Variants in COL1A2 observed in about 807,000 individuals in gnomAD.
COL1A2 encodes collagen type I alpha 2 chain.
In COL1A2, 49 loss-of-function variants were observed where a neutral mutation model predicts 174.3. The ratio of observed to expected loss-of-function variants is 0.28; its 90% CI spans 0.22 to 0.36. COL1A2 has a LOEUF of 0.36. COL1A2 is among the 10% of genes least tolerant of loss of function. The pLI is 1.00. For missense variants in COL1A2, 1,438 were observed against 1,822.7 expected (o/e 0.79, Z 3.84); for synonymous variants, 655 against 606.6 (o/e 1.08, Z -1.17).
chr7:94,409,276 T>C (rs1366361513), intron 16 of COL1A2, 46 bp from the exon 17 acceptor site: 2 of 1,531,240 alleles, frequency 1.3e-6, no homozygotes, highest in South Asian at 2.2e-5. Context: ...AGATATGCTG[T>C]TTCATTATTT....
chr7:94,428,189 CA>C (rs1479655010), intron 49 of COL1A2, 103 bp from the exon 50 acceptor site: 1 of 1,085,218 alleles, frequency 9.2e-7, no homozygotes, highest in Non-Finnish European at 1.4e-6. Context: ...GGTAGACAAT[CA>C]AAAATGTTAC....
In COL1A2 at chr7:94,424,379, C is replaced by G; in HGVS notation, c.2609C>G (p.Pro870Arg). The change falls in exon 41 of 52, where the codon CCT becomes CGT. Residue 870 changes from proline (P) to arginine (R), a missense_variant. Pro to Arg is a moderately radical substitution (Grantham distance 103). Transcript: ENST00000297268. ...GGTCCTCAGGGTCTTCTTGGTGCTC[C>G]TGGTATTCTGGGTCTCCCTGGCTCG... Reference protein sequence around the residue: ...TPGPQGLLGAPGILGLPGSRG... With the variant: ...TPGPQGLLGARGILGLPGSRG... The G allele has an allele frequency of 6.2e-7, 1 of 1,614,084 alleles. No individual in the cohort carries two copies. Among genetic ancestry groups the G allele is most frequent in the Non-Finnish European group, 8.5e-7 (1 of 1,180,002 alleles).
chr7:94,404,461 C>A, intron 6 of COL1A2, 95 bp from the exon 7 acceptor site: 1 of 1,314,402 alleles, frequency 7.6e-7, no homozygotes, highest in Non-Finnish European at 1.1e-6. Context: ...AATCAAACCA[C>A]AACAATGGCA....
chr7:94,402,034 T>C (rs1562898195), intron 6 of COL1A2, among the ~76,000 whole-genome samples: 1 of 152,134 alleles, frequency 6.6e-6, no homozygotes, highest in Non-Finnish European at 1.5e-5. Context: ...ATTTATTAAG[T>C]TCTCTGAACT....
intron 9 of COL1A2, 65 bp from the exon 10 acceptor site, chr7:94,405,134 G>A (rs1361451668): frequency 6.5e-7 from 1 of 1,546,682 alleles, no homozygotes; most frequent in Non-Finnish European, 8.9e-7. Context: ...TAAAAACCAA[G>A]ATTCCCCCAT....
chr7:94,409,582 G>A lies in COL1A2; in HGVS notation c.910G>A (p.Gly304Ser), dbSNP rs1054264002. The change falls in exon 18 of 52, where the codon GGC becomes AGC. Residue 304 changes from glycine to serine, a missense_variant. Around this residue, in one of 3 missense-constraint regions of COL1A2, gnomAD observed 867 missense variants for 1,213.7 expected, o/e 0.71. Coordinates refer to ENST00000297268, the MANE Select transcript of COL1A2 (RefSeq NM_000089.4). ...CTCATAGGGTAATCCTGGAGCAAAC[G>A]GCCTTACTGGTGCCAAGGGTGCTGC... ...VGPPGNPGAN[G>S]LTGAKGAAGL... is the part of the protein sequence containing the mutation. The A allele has an allele frequency of 2.5e-6, 4 of 1,614,012 alleles. No individual in the cohort carries two copies. The highest frequency in any genetic ancestry group is 8.5e-7 in the Non-Finnish European group (1 of 1,180,028).
chr7:94,408,546 C>T (rs1476214473), intron 15 of COL1A2, among the ~76,000 whole-genome samples, 166 bp downstream of exon 15: 1 of 152,110 alleles, frequency 6.6e-6, no homozygotes, highest in Non-Finnish European at 1.5e-5. Flanking sequence ...TTTATAAGTA[C>T]CTGAACTTTT....
Position 94,423,343 on chromosome 7 carries a change from A to T in COL1A2, c.2565+225A>T, listed in dbSNP as rs75744241. ...ACAATAAATGAGGGAACTCAGTTTT[A>T]TCACAAAGCCCTTAAAGCTATTGAA... On this transcript the variant is annotated intron_variant, in intron 40 of 51. Coordinates refer to ENST00000297268, the MANE Select transcript of COL1A2 (RefSeq NM_000089.4). 1,901 of 574,062 alleles carry T rather than the reference A, an allele frequency of 3.3e-3. 25 individuals are homozygous for T. Among genetic ancestry groups the T allele is most frequent in the African/African-American group, 0.032 (1,717 of 53,256 alleles). 35.6% of individuals were successfully genotyped at this position (574,062 alleles called of 1,614,324 possible).
intron 29 of COL1A2, among the ~76,000 whole-genome samples, chr7:94,414,825 T>A (rs1417871962): frequency 3.3e-5 from 5 of 152,164 alleles, no homozygotes; most frequent in African/African-American, 4.8e-5. Flanking sequence ...AGAGATACAC[T>A]TGGGTATACA....
chr7:94,420,624 C>T lies in COL1A2; in HGVS notation c.2271C>T (p.Gly757=), dbSNP rs750379228. The T allele has an allele frequency of 8.1e-6, 13 of 1,605,936 alleles. No individual in the cohort carries two copies. Among genetic ancestry groups the T allele is most frequent in the Middle Eastern group, 1.7e-4 (1 of 5,894 alleles). The part of the protein sequence containing the change: ...KGENGVVGPT[G]PVGAAGPAGP... ...AAAACGGTGTTGTTGGTCCCACAGG[C>T]CCCGTTGGAGCTGCTGGCCCAGCTG... The change falls in exon 37 of 52, where the codon GGC becomes GGT. Residue 757 remains glycine (G), a synonymous_variant. Transcript: ENST00000297268.
intron 31 of COL1A2, 98 bp from the exon 32 acceptor site, chr7:94,417,626 C>T (rs1792069197): frequency 3.9e-6 from 4 of 1,030,118 alleles, no homozygotes; most frequent in Non-Finnish European, 1.5e-6. Flanking sequence ...GGCAAGAAGC[C>T]TGTCTAGCTA....
chr7:94,429,434 AG>A lies in COL1A2; in HGVS notation c.3954+5del. Reference sequence around the variant, plus strand: ...TGTTCTTGTAGATGGCTGCTCTGTAAGTAATAGTGAAATATGGGAATAGCTT... The same window carrying A: ...TGTTCTTGTAGATGGCTGCTCTGTAATAATAGTGAAATATGGGAATAGCTT... On this transcript the variant is annotated splice_donor_5th_base_variant and intron_variant, in intron 51 of 51. Coordinates refer to ENST00000297268, the MANE Select transcript of COL1A2 (RefSeq NM_000089.4). The A allele has an allele frequency of 6.2e-7, 1 of 1,613,934 alleles. No individual in the cohort carries two copies. Among genetic ancestry groups the A allele is most frequent in the Non-Finnish European group, 8.5e-7 (1 of 1,179,964 alleles).
At chr7:94,421,176 T>G in intron 38 of COL1A2, 114 bp downstream of exon 38, 2 of 992,366 alleles carry the variant, frequency 2.0e-6, no homozygotes, top group Non-Finnish European at 1.6e-6. Flanking sequence ...ACTTTTGAGA[T>G]TCAAGTTCAT....
chr7:94,430,163 G>A, intron 51 of COL1A2, 84 bp from the exon 52 acceptor site: 1 of 1,342,558 alleles, frequency 7.4e-7, no homozygotes, highest in Non-Finnish European at 1.1e-6. Flanking sequence ...GCCAAACAGT[G>A]GTTCTTATTA....
At chr7:94,428,026 T>C (rs888880618) in intron 49 of COL1A2, 141 bp downstream of exon 49, 3 of 1,020,472 alleles carry the variant, frequency 2.9e-6, no homozygotes, top group Non-Finnish European at 4.4e-6. Context: ...TGGAGCGTCA[T>C]CTTCTCCCAA....
At chr7:94,419,718 ATTAC>A (rs2115928829) in intron 34 of COL1A2, among the ~76,000 whole-genome samples, 167 bp downstream of exon 34, 1 of 152,196 alleles carries the variant, frequency 6.6e-6, no homozygotes, top group East Asian at 1.9e-4. Flanking sequence ...TGTGTTTAAA[ATTAC>A]TTTTCCCTTC....
At chr7:94,420,920 A>G in intron 37 of COL1A2, 89 bp from the exon 38 acceptor site, 1 of 1,270,790 alleles carries the variant, frequency 7.9e-7, no homozygotes, top group Non-Finnish European at 1.2e-6. Context: ...TTTTCTTCTA[A>G]GAGATGCGGG....
Position 94,429,343 on chromosome 7 carries a change from T to A in COL1A2, c.3867T>A (p.Ala1289=), listed in dbSNP as rs753928077. The A allele has an allele frequency of 1.2e-6, 2 of 1,614,098 alleles. No individual in the cohort carries two copies. The highest frequency in any genetic ancestry group is 1.7e-6 in the Non-Finnish European group (2 of 1,179,982). ...MDEETGNLKK[A]VILQGSNDVE... ...AGGAGACTGGCAACCTGAAAAAGGCTGTCATTCTACAGGGCTCTAATGATG... is the reference window on the plus strand; with the variant it reads ...AGGAGACTGGCAACCTGAAAAAGGCAGTCATTCTACAGGGCTCTAATGATG... The change falls in exon 51 of 52, where the codon GCT becomes GCA. Residue 1289 remains alanine, a synonymous_variant. Transcript: ENST00000297268.
At chr7:94,424,085 A>G (rs567389458) in intron 40 of COL1A2, 2 of 466,484 alleles carry the variant, frequency 4.3e-6, no homozygotes, top group East Asian at 4.2e-5. Context: ...AAGTGTCTTT[A>G]TAAATCTCAA....
Sources: allele counts gnomAD v4.1 joint callset (sites outside exome capture counted in the v4.1 genomes callset), GRCh38; gene constraint gnomAD v4.1.1; regional missense constraint gnomAD v4.1.1; transcripts MANE v1.5; gene names NCBI Gene and HGNC (gene_info 2026-07-23, HGNC 2026-07-21).